Variants in PRLR observed in about 807,000 individuals in gnomAD.
PRLR encodes prolactin receptor, also known as hPRL receptor.
PRLR carries 13 observed loss-of-function variants against 40.2 expected under a neutral mutation model. That is an observed-to-expected ratio of 0.32 (90% CI 0.21 to 0.51). PRLR has a LOEUF of 0.51. Among genes scored for constraint, PRLR ranks in the 20% least tolerant of loss-of-function variants. The pLI, the probability that PRLR is intolerant of heterozygous loss-of-function variation, is 0.97. For synonymous variants in PRLR, 269 were observed against 278.7 expected, an observed-to-expected ratio of 0.97 and a Z score of 0.35; for missense variants, 656 against 747.3, an observed-to-expected ratio of 0.88 and a Z score of 1.42.
chr5:35,079,212 A>G (rs1402289024), intron 5 of PRLR, among the ~76,000 whole-genome samples: 2 of 152,200 alleles, frequency 1.3e-5, no homozygotes, highest in Non-Finnish European at 2.9e-5. Context: ...GGCCAGGGCA[A>G]TCAGGCAGGA....
intron 5 of PRLR, 122 bp from the exon 6 acceptor site, chr5:35,072,866 C>A (rs1219036242): frequency 3.5e-6 from 4 of 1,139,804 alleles, no homozygotes; most frequent in Non-Finnish European, 3.7e-6. Flanking sequence ...GTACTATAAG[C>A]CCCCCAAATA....
At chr5:35,214,641 C>A (rs1374467874) in intron 1 of PRLR, among the ~76,000 whole-genome samples, 2 of 152,116 alleles carry the variant, frequency 1.3e-5, no homozygotes, top group African/African-American at 4.8e-5. Context: ...GCAAACACAG[C>A]AAAAAGAAGA....
At chr5:35,123,683 C>T (rs1773364639) in intron 1 of PRLR, among the ~76,000 whole-genome samples, 1 of 152,174 alleles carries the variant, frequency 6.6e-6, no homozygotes, top group African/African-American at 2.4e-5. Context: ...GGCTGCTTCT[C>T]TCTTTAATGT....
At chr5:35,177,329 T>A (rs1775177210) in intron 1 of PRLR, among the ~76,000 whole-genome samples, 1 of 152,286 alleles carries the variant, frequency 6.6e-6, no homozygotes, top group Middle Eastern at 3.4e-3. Flanking sequence ...CACCCACAGG[T>A]GTGGAGGGGC....
chr5:35,108,035 T>G (rs1348214328), intron 2 of PRLR, among the ~76,000 whole-genome samples: 1 of 152,270 alleles, frequency 6.6e-6, no homozygotes, highest in African/African-American at 2.4e-5. Context: ...CACAATCAAG[T>G]TGGCTTCATC....
intron 1 of PRLR, among the ~76,000 whole-genome samples, chr5:35,139,727 G>A (rs1773960526): frequency 6.6e-6 from 1 of 152,108 alleles, no homozygotes; most frequent in Admixed American, 6.5e-5. Context: ...TGTTTTAATG[G>A]AAATGATTTC....
At chr5:35,208,170 C>T (rs963822889) in intron 1 of PRLR, among the ~76,000 whole-genome samples, 21 of 19,126 alleles carry the variant, frequency 1.1e-3, no homozygotes, top group East Asian at 2.2e-3. Flanking sequence ...CACACACCCA[C>T]GCGCGCGCAC....
chr5:35,150,451 T>A (rs888499243), intron 1 of PRLR, among the ~76,000 whole-genome samples: 3 of 152,252 alleles, frequency 2.0e-5, no homozygotes, highest in African/African-American at 4.8e-5. Flanking sequence ...AGCCTTGATA[T>A]CTAAATTTCC....
At chr5:35,082,777 C>T (rs567009027) in intron 5 of PRLR, among the ~76,000 whole-genome samples, 2 of 152,176 alleles carry the variant, frequency 1.3e-5, no homozygotes, top group African/African-American at 4.8e-5. Context: ...AATGAACTTC[C>T]GTGGCCTGTC....
chr5:35,174,554 T>C (rs1775092751), intron 1 of PRLR, among the ~76,000 whole-genome samples: 2 of 152,332 alleles, frequency 1.3e-5, no homozygotes, highest in African/African-American at 4.8e-5. Context: ...GCTGTGAACA[T>C]TCTCTAGCTT....
At chr5:35,150,679 G>A (rs1774317109) in intron 1 of PRLR, among the ~76,000 whole-genome samples, 1 of 152,070 alleles carries the variant, frequency 6.6e-6, no homozygotes, top group Non-Finnish European at 1.5e-5. Context: ...GAAAGATATT[G>A]AAAGACATAT....
intron 1 of PRLR, among the ~76,000 whole-genome samples, chr5:35,217,832 T>C (rs897076169): frequency 5.3e-5 from 8 of 152,204 alleles, no homozygotes; most frequent in South Asian, 2.1e-4. Context: ...ATAAAACTCA[T>C]TGAATCAAAC....
At chr5:35,166,588 A>G (rs537816440) in intron 1 of PRLR, among the ~76,000 whole-genome samples, 1 of 152,272 alleles carries the variant, frequency 6.6e-6, no homozygotes, top group East Asian at 1.9e-4. Flanking sequence ...CTTGGAATAC[A>G]TTATTGCAGA....
rs566462075 is a variant in PRLR, at chr5:35,141,357, C to T, written c.-105-23235G>A. On this transcript the variant is annotated intron_variant, in intron 1 of 9. Transcript: ENST00000618457. Reference sequence around the variant, plus strand: ...CCTAAGGCTCAGAATTGGGAAATGCCGCATGAATCTATGGGGGTCATGAAA... The same window carrying T: ...CCTAAGGCTCAGAATTGGGAAATGCTGCATGAATCTATGGGGGTCATGAAA... Among the ~76,000 whole-genome samples, 260 of 152,130 alleles carry T rather than the reference C, an allele frequency of 1.7e-3. 1 individual carries two copies. The highest frequency in any genetic ancestry group is 3.2e-3 in the Non-Finnish European group (217 of 68,016).
chr5:35,223,248 AT>A (rs1418002326), intron 1 of PRLR, among the ~76,000 whole-genome samples: 1 of 152,274 alleles, frequency 6.6e-6, no homozygotes, highest in Non-Finnish European at 1.5e-5. Context: ...TGATTATGAT[AT>A]AAAAATCTTG....
chr5:35,132,392 T>C (rs1227778819), intron 1 of PRLR, among the ~76,000 whole-genome samples: 1 of 152,142 alleles, frequency 6.6e-6, no homozygotes, highest in Non-Finnish European at 1.5e-5. Context: ...TCTTGTGAAA[T>C]CTGGATATAT....
Position 35,086,293 on chromosome 5 carries a change from T to G in PRLR, c.118A>C (p.Asn40His). 6.2e-7 allele frequency: 1 copy of G among 1,614,012 alleles called. No individual in the cohort carries two copies. The highest frequency in any genetic ancestry group is 1.3e-5 in the African/African-American group (1 of 75,024). ...KPEIFKCRSP[N>H]KETFTCWWRP... ...CACCAGCAGGTGAATGTTTCCTTAT[T>G]GGGAGAACGACATTTAAAGATCTCA... The change falls in exon 4 of 10, where the codon AAT (asparagine) becomes CAT (histidine). Residue 40 changes from asparagine to histidine, a missense_variant. Transcript: ENST00000618457.
intron 5 of PRLR, 63 bp downstream of exon 5, chr5:35,084,407 G>T: frequency 7.0e-7 from 1 of 1,429,014 alleles, no homozygotes; most frequent in Non-Finnish European, 9.3e-7. Context: ...CTCAAACTGA[G>T]TGTGACTATT....
chr5:35,096,729 C>G (rs1771556031), intron 2 of PRLR, among the ~76,000 whole-genome samples: 1 of 151,884 alleles, frequency 6.6e-6, no homozygotes, highest in African/African-American at 2.4e-5. Context: ...CAAGTGATTC[C>G]CCTGCCTTAG....
Sources: allele counts gnomAD v4.1 joint callset (sites outside exome capture counted in the v4.1 genomes callset), GRCh38; gene constraint gnomAD v4.1.1; transcripts MANE v1.5; gene names NCBI Gene and HGNC (gene_info 2026-07-23, HGNC 2026-07-21).